ANO10: variants seen among roughly 807,000 people sequenced by gnomAD.
ANO10 encodes anoctamin 10, also known as anoctamin-10.
A neutral mutation model predicts 74.7 loss-of-function variants in ANO10; 77 were observed. The observed-to-expected ratio is 1.03, with a 90% CI of 0.86 to 1.25. ANO10 has a LOEUF of 1.25. Ranked by LOEUF, ANO10 falls within the 50% of genes most tolerant of loss-of-function variation. The pLI, the probability that ANO10 is intolerant of heterozygous loss-of-function variation, is 0.00. For missense variants in ANO10, 721 were observed against 778.1 expected, an observed-to-expected ratio of 0.93 and a Z score of 0.87; for synonymous variants, 279 against 284.9, an observed-to-expected ratio of 0.98 and a Z score of 0.21.
chr3:43,574,259 T>C (rs536124184), intron 7 of ANO10, among the ~76,000 whole-genome samples: 14 of 149,866 alleles, frequency 9.3e-5, no homozygotes, highest in African/African-American at 3.4e-4. Context: ...TCTGGCCCGT[T>C]AGTTTCCTTT....
chr3:43,582,007 G>A (rs975559317), intron 4 of ANO10, among the ~76,000 whole-genome samples: 1 of 150,784 alleles, frequency 6.6e-6, no homozygotes, highest in African/African-American at 2.4e-5. Context: ...GATAAGTTTT[G>A]AGCTTCTTTA....
chr3:43,565,924 C>G (rs186527877), intron 7 of ANO10, among the ~76,000 whole-genome samples, 197 bp from the exon 8 acceptor site: 6 of 152,056 alleles, frequency 3.9e-5, no homozygotes. Flanking sequence ...TCTGAGGTAC[C>G]GGGTTCATCT....
intron 12 of ANO10, among the ~76,000 whole-genome samples, chr3:43,416,438 T>C (rs2092740158): frequency 3.3e-5 from 5 of 152,078 alleles, no homozygotes; most frequent in Admixed American, 6.6e-5. Flanking sequence ...AAAATAAAAA[T>C]ACAAAACTCA....
At chr3:43,617,845 T>A (rs1022737346) in intron 1 of ANO10, among the ~76,000 whole-genome samples, 7 of 152,176 alleles carry the variant, frequency 4.6e-5, no homozygotes, top group Non-Finnish European at 7.4e-5. Flanking sequence ...CGAAAAGTAT[T>A]CTCAGTTATG....
At chr3:43,444,413 GT>G (rs2093210225) in intron 11 of ANO10, among the ~76,000 whole-genome samples, 1 of 152,164 alleles carries the variant, frequency 6.6e-6, no homozygotes, top group South Asian at 2.1e-4. Flanking sequence ...AGCTTGCTTT[GT>G]TTTTTCAACA....
chr3:43,689,617 C>T lies in ANO10; in HGVS notation c.-12+1900G>A, dbSNP rs183653147. The T allele has an allele frequency of 3.9e-5, 6 of 152,240 alleles. No individual in the cohort carries two copies. In the East Asian group the frequency reaches 1.2e-3, roughly 29 times the overall value. 9.4% of individuals were successfully genotyped at this position (152,240 alleles called of 1,614,324 possible). ...CCCCCCTCTAAATTACAGAAGACAC[C>T]ATTCCTATCCTAGAGGACTTTCTCG... is the stretch of plus-strand genomic sequence containing the variant. On this transcript the variant is annotated intron_variant, in intron 1 of 3. Transcript: ENST00000413397.
intron 1 of ANO10, among the ~76,000 whole-genome samples, chr3:43,682,517 A>G (rs2084215190): frequency 6.6e-6 from 1 of 152,204 alleles, no homozygotes; most frequent in African/African-American, 2.4e-5. Context: ...AGGAACTGGT[A>G]CCATTCCTTC....
intron 12 of ANO10, among the ~76,000 whole-genome samples, chr3:43,415,374 T>C (rs189850561): frequency 8.5e-4 from 130 of 152,182 alleles, no homozygotes; most frequent in African/African-American, 2.8e-3. Flanking sequence ...AAGACATGTA[T>C]ACCTGATTCC....
chr3:43,403,450 GCTGGGCCCATGTGGGTC>G (rs1332546980), intron 12 of ANO10, among the ~76,000 whole-genome samples: 1 of 152,246 alleles, frequency 6.6e-6, no homozygotes, highest in Non-Finnish European at 1.5e-5. Context: ...GGGGGGCTGG[GCTGGGCCCATGTGGGTC>G]CAACAGCAAG....
intron 11 of ANO10, among the ~76,000 whole-genome samples, chr3:43,474,900 A>G (rs1306938530): frequency 1.8e-5 from 2 of 109,798 alleles, no homozygotes. Context: ...ATTATTTTGT[A>G]GAATTTTTTT....
chr3:43,415,339 T>C (rs773486547), intron 12 of ANO10, among the ~76,000 whole-genome samples: 16 of 151,894 alleles, frequency 1.1e-4, no homozygotes, highest in Non-Finnish European at 1.8e-4. Flanking sequence ...CAAGGTTACT[T>C]AGTAATGGTG....
intron 12 of ANO10, among the ~76,000 whole-genome samples, chr3:43,369,135 G>A (rs776934919): frequency 2.6e-5 from 4 of 152,260 alleles, no homozygotes; most frequent in Admixed American, 6.5e-5. Flanking sequence ...GGCTGCTTCT[G>A]GGGTGCCCCC....
chr3:43,373,479 G>A (rs2091690692), intron 12 of ANO10, among the ~76,000 whole-genome samples: 1 of 152,196 alleles, frequency 6.6e-6, no homozygotes, highest in Admixed American at 6.5e-5. Context: ...CGTGGGGTGG[G>A]TGGATGTCAG....
Position 43,389,419 on chromosome 3 carries a change from C to A in ANO10, c.1915-22445G>T, listed in dbSNP as rs554592049. ...ACATGAAATAAATGTTTTAGGAGCT[C>A]ATGGTCAGCTTTCAGTGGGTGATTC... On this transcript the variant is annotated intron_variant, in intron 12 of 12. Coordinates refer to ENST00000292246, the MANE Select transcript of ANO10 (RefSeq NM_018075.5). Among the ~76,000 whole-genome samples the A allele has an allele frequency of 3.9e-5, 6 of 152,334 alleles. No individual in the cohort carries two copies. The South Asian group carries it at 1.2e-3, about 32-fold the overall frequency.
In ANO10 at chr3:43,369,571, T is replaced by C. The variant is rs181128201; in HGVS notation, c.1915-2597A>G. Among the ~76,000 whole-genome samples, 701 of 152,290 alleles carry C rather than the reference T, an allele frequency of 4.6e-3. 4 individuals are homozygous for C. Among genetic ancestry groups the C allele is most frequent in the African/African-American group, 0.016 (674 of 41,570 alleles). On this transcript the variant is annotated intron_variant, in intron 12 of 12. Coordinates refer to ENST00000292246, the MANE Select transcript of ANO10 (RefSeq NM_018075.5). ...GCCATGGGATGTCTCAAGGCCAGCT[T>C]GGCAGCCAGGGGAACAGGAGGGGAC...
At chr3:43,390,404 T>C (rs1575638852) in intron 12 of ANO10, among the ~76,000 whole-genome samples, 1 of 152,242 alleles carries the variant, frequency 6.6e-6, no homozygotes, top group East Asian at 1.9e-4. Context: ...CTGTGCCCAG[T>C]ACACTGAACA....
In ANO10 at chr3:43,386,774, C is replaced by G. The variant is rs566052697; in HGVS notation, c.1915-19800G>C. On this transcript the variant is annotated intron_variant, in intron 12 of 12. Coordinates refer to ENST00000292246, the MANE Select transcript of ANO10 (RefSeq NM_018075.5). ...TGCCCTGACAGCTCCTCAGTCCCAG[C>G]AACCCACATGCATCCCTGGACTCTA... Among the ~76,000 whole-genome samples, 4 of 151,922 alleles carry G rather than the reference C, an allele frequency of 2.6e-5. No individual in the cohort carries two copies. The East Asian group carries it at 7.8e-4, about 30-fold the overall frequency.
intron 1 of ANO10, chr3:43,690,772 G>A: frequency 2.3e-6 from 1 of 434,886 alleles, no homozygotes; most frequent in South Asian, 5.6e-5. Context: ...CGGGAGCGTC[G>A]GGCGGGAGAA....
chr3:43,513,849 G>A (rs1014644093), intron 11 of ANO10, among the ~76,000 whole-genome samples: 5 of 151,918 alleles, frequency 3.3e-5, no homozygotes, highest in Non-Finnish European at 7.4e-5. Context: ...GAAAAGGGAA[G>A]AAATGACAGA....
Sources: allele counts gnomAD v4.1 joint callset (sites outside exome capture counted in the v4.1 genomes callset), GRCh38; gene constraint gnomAD v4.1.1; transcripts MANE v1.5; gene names NCBI Gene and HGNC (gene_info 2026-07-23, HGNC 2026-07-21).